The following CIMAP1D variants were observed in gnomAD, a reference collection of about 807,000 sequenced individuals.
CIMAP1D encodes the protein protein CIMAP1D.
the CIMAP1D span, chr19:489,378 C>T: frequency 6.5e-6 from 1 of 153,812 alleles, no homozygotes; most frequent in Non-Finnish European, 1.4e-5. Context: ...CCTCGCAGCC[C>T]GCGGCCCCGA....
At chr19:464,266 G>T in the CIMAP1D span, 1 of 1,537,298 alleles carries the variant, frequency 6.5e-7, no homozygotes, top group Non-Finnish European at 8.8e-7. Flanking sequence ...GGCTTCAGGG[G>T]GAGGCGGCAG....
At chr19:474,721 G>C in the CIMAP1D span, 1 of 1,547,464 alleles carries the variant, frequency 6.5e-7, no homozygotes, top group Non-Finnish European at 8.7e-7. Context: ...CCAGCCGTGG[G>C]GTGGAGTCGC....
At chr19:464,187 G>T in the CIMAP1D span, 1 of 1,509,278 alleles carries the variant, frequency 6.6e-7, no homozygotes, top group Non-Finnish European at 8.9e-7. Context: ...GCTGGGCTTG[G>T]TGAAGATCTG....
the CIMAP1D span, among the ~76,000 whole-genome samples, chr19:487,911 C>T: frequency 0.062 from 9,461 of 152,204 alleles, 596 homozygotes; most frequent in East Asian, 0.21. Context: ...TACTGGGTTA[C>T]GTTATCTATA....
chr19:489,917 G>A, the CIMAP1D span: 3 of 395,866 alleles, frequency 7.6e-6, no homozygotes, highest in Non-Finnish European at 1.3e-5. Context: ...CCCCGACCCA[G>A]GGCGAACACC....
chr19:468,848 C>T, the CIMAP1D span, among the ~76,000 whole-genome samples: 35 of 44,974 alleles, frequency 7.8e-4, no homozygotes, highest in African/African-American at 1.3e-3. Context: ...GGCCCAGACA[C>T]GGCTCCAGAC....
chr19:471,408 A>G, the CIMAP1D span, among the ~76,000 whole-genome samples: 1 of 150,102 alleles, frequency 6.7e-6, no homozygotes, highest in Non-Finnish European at 1.5e-5. Context: ...TCGGCCTCCC[A>G]AAGTGCTGGG....
chr19:478,994 C>T, the CIMAP1D span, among the ~76,000 whole-genome samples: 414 of 152,332 alleles, frequency 2.7e-3, 1 homozygote, highest in African/African-American at 9.4e-3. Flanking sequence ...GTGAAACTTA[C>T]GTGAGTGCAG....
At chr19:465,516 T>C in the CIMAP1D span, among the ~76,000 whole-genome samples, 2 of 139,286 alleles carry the variant, frequency 1.4e-5, no homozygotes, top group African/African-American at 5.5e-5. Context: ...GTTGGCTGGA[T>C]GGGTGAGTGG....
At chr19:479,410 TTGG>T in the CIMAP1D span, among the ~76,000 whole-genome samples, 1,074 of 82,076 alleles carry the variant, frequency 0.013, 19 homozygotes, top group African/African-American at 0.03. Flanking sequence ...TTTTTTTTTT[TTGG>T]GGGGGGGGGG....
chr19:474,306 C>T, the CIMAP1D span, among the ~76,000 whole-genome samples: 1 of 152,216 alleles, frequency 6.6e-6, no homozygotes, highest in Non-Finnish European at 1.5e-5. Flanking sequence ...CTGAGGGCCA[C>T]GCTGGAAATA....
chr19:468,458 G>C, the CIMAP1D span, among the ~76,000 whole-genome samples: 7 of 152,154 alleles, frequency 4.6e-5, no homozygotes, highest in East Asian at 5.8e-4. Flanking sequence ...TGCTTAAGAG[G>C]GGGGCTCGGC....
the CIMAP1D span, among the ~76,000 whole-genome samples, chr19:477,296 G>A: frequency 3.3e-5 from 5 of 152,194 alleles, no homozygotes; most frequent in African/African-American, 1.2e-4. Context: ...TCCCTTGGCC[G>A]GGCACTGTGG....
the CIMAP1D span, among the ~76,000 whole-genome samples, chr19:477,583 C>G: frequency 7.3e-5 from 11 of 149,728 alleles, no homozygotes; most frequent in East Asian, 1.6e-3. Context: ...CGAGACTCCA[C>G]GTCAAAATCA....
chr19:480,482 GGATGATGGT>G, the CIMAP1D span, among the ~76,000 whole-genome samples: 271 of 119,756 alleles, frequency 2.3e-3, 5 homozygotes, highest in African/African-American at 8.5e-3. Flanking sequence ...TGATGGGGAA[GGATGATGGT>G]AAGGATGATG....
the CIMAP1D span, among the ~76,000 whole-genome samples, chr19:480,032 T>C: frequency 4.1e-4 from 63 of 152,364 alleles, no homozygotes; most frequent in African/African-American, 1.5e-3. Flanking sequence ...TGGTTGGTGG[T>C]GTGAGCGTCT....
the CIMAP1D span, among the ~76,000 whole-genome samples, chr19:476,261 G>A: frequency 1.3e-5 from 2 of 151,824 alleles, no homozygotes; most frequent in Non-Finnish European, 2.9e-5. Context: ...CACCACGTTG[G>A]CCAGGATGGC....
At chr19:467,766 G>T in the CIMAP1D span, 1 of 1,571,156 alleles carries the variant, frequency 6.4e-7, no homozygotes, top group Non-Finnish European at 8.7e-7. Context: ...GGTGGTGCTG[G>T]GGAGAGGAGC....
the CIMAP1D span, among the ~76,000 whole-genome samples, chr19:469,352 A>G: frequency 2.0e-5 from 3 of 151,658 alleles, no homozygotes; most frequent in Admixed American, 2.0e-4. Flanking sequence ...TAACTCTGGG[A>G]CCACAGGCAT....
Sources: gnomAD v4.1 joint callset for allele counts (sites outside exome capture counted in the v4.1 genomes callset) on GRCh38, gnomAD v4.1.1 for gene constraint, MANE v1.5 for transcripts, NCBI Gene and HGNC (gene_info 2026-07-23, HGNC 2026-07-21) for gene names.